SMARCA2: variants seen among roughly 807,000 people sequenced by gnomAD.
The protein encoded by SMARCA2 is SWI/SNF related BAF chromatin remodeling complex subunit ATPase 2.
Under a neutral mutation model 199.8 loss-of-function variants are expected in SMARCA2, and 61 were observed. The observed-to-expected ratio is 0.31, with a 90% CI of 0.25 to 0.38. The LOEUF (loss-of-function observed/expected upper bound fraction) is 0.38. Among genes scored for constraint, SMARCA2 ranks in the 10% least tolerant of loss-of-function variants. The pLI, the probability that SMARCA2 is intolerant of heterozygous loss-of-function variation, is 1.00. For synonymous variants in SMARCA2, 935 were observed against 732.0 expected (o/e 1.28, Z -4.48); for missense variants, 1,344 against 2,012.2 (o/e 0.67, Z 6.35).
At position 2,039,761 on chromosome 9, in the gene SMARCA2, A is replaced by T; in HGVS notation, c.651A>T (p.Gln217His). ...AAAGGACGTTGCCTGGCTTGCAGCA[A>T]CAACAGCAGCAGCAACAGCAGCAGC... ...QGKRTLPGLQ[Q>H]QQQQQQQQQQ... The change falls in exon 4 of 34, where the codon CAA (glutamine) becomes CAT (histidine). Residue 217 changes from glutamine to histidine, a missense_variant. Around this residue, in one of 18 missense-constraint regions of SMARCA2, gnomAD observed 24 missense variants for 53.7 expected, o/e 0.45. Coordinates refer to ENST00000349721, the MANE Select transcript of SMARCA2 (RefSeq NM_003070.5). The surrounding 1 kb of genome is among the most constrained non-coding windows in gnomAD (Gnocchi z 4.8). 6.2e-7 allele frequency: 1 copy of T among 1,610,500 alleles called. No individual in the cohort carries two copies. The highest frequency in any genetic ancestry group is 8.5e-7 in the Non-Finnish European group (1 of 1,178,812).
At position 2,169,662 on chromosome 9, in the gene SMARCA2, C is replaced by T. The variant is rs1323219722; in HGVS notation, c.4200-757C>T. On this transcript the variant is annotated intron_variant, in intron 28 of 33. Coordinates refer to ENST00000349721, the MANE Select transcript of SMARCA2 (RefSeq NM_003070.5). The surrounding 1 kb of genome is among the most constrained non-coding windows in gnomAD (Gnocchi z 6.5). ...TGTGAATCCCAAAGGGTGCTGTCTA[C>T]ACCTGGAGGGAGATCTAGAGGGTAT... Among the ~76,000 whole-genome samples the T allele has an allele frequency of 6.6e-6, 1 of 152,078 alleles. No individual in the cohort carries two copies. The highest frequency in any genetic ancestry group is 6.6e-5 in the Admixed American group (1 of 15,264).
intron 27 of SMARCA2, chr9:2,157,761 A>G (rs567994789): frequency 5.1e-5 from 20 of 395,602 alleles, no homozygotes; most frequent in Non-Finnish European, 8.9e-5. Context: ...CCTATTCATA[A>G]TCATGGATCC....
At chr9:2,136,134 C>T (rs1824184099) in intron 27 of SMARCA2, among the ~76,000 whole-genome samples, 1 of 151,984 alleles carries the variant, frequency 6.6e-6, no homozygotes, top group East Asian at 1.9e-4. Flanking sequence ...GCCATCGTGC[C>T]TGGCAACTTT....
At chr9:2,022,726 T>G (rs923656294) in intron 1 of SMARCA2, among the ~76,000 whole-genome samples, 3 of 152,236 alleles carry the variant, frequency 2.0e-5, no homozygotes, top group African/African-American at 4.8e-5. Flanking sequence ...CTGTTGTTGA[T>G]TCTTATCAAC....
chr9:2,019,272 G>A (rs975398844), intron 1 of SMARCA2, among the ~76,000 whole-genome samples: 7 of 152,138 alleles, frequency 4.6e-5, no homozygotes, highest in African/African-American at 1.4e-4. Context: ...GGTGAGGGGA[G>A]GGAGGGCTTC....
intron 27 of SMARCA2, among the ~76,000 whole-genome samples, chr9:2,155,663 C>T (rs1364077353): frequency 6.7e-6 from 1 of 148,724 alleles, no homozygotes; most frequent in African/African-American, 2.5e-5. Flanking sequence ...CCGTAGCTCC[C>T]CTTTTCCCTT....
intron 32 of SMARCA2, among the ~76,000 whole-genome samples, chr9:2,188,998 C>G (rs1737848482): frequency 1.3e-5 from 2 of 152,200 alleles, no homozygotes; most frequent in Admixed American, 1.3e-4. Flanking sequence ...TGTTGTGTCT[C>G]CATGAATCTC....
rs1202972738 is a variant in SMARCA2, at chr9:2,040,182, G to A, written c.790+282G>A. The stretch of plus-strand genomic sequence containing the variant: ...TGCGTTCTCTTTGAAGCGGTTCAAG[G>A]TTTCTTGGAAGCCCATCCACACACA... On this transcript the variant is annotated intron_variant, in intron 4 of 33. Coordinates refer to ENST00000349721, the MANE Select transcript of SMARCA2 (RefSeq NM_003070.5). 4 of 630,278 alleles carry A rather than the reference G, an allele frequency of 6.3e-6. No homozygotes were observed. The African/African-American group carries it at 7.3e-5, about 12-fold the overall frequency. 39.0% of individuals were successfully genotyped at this position (630,278 alleles called of 1,614,324 possible).
At chr9:2,179,800 A>G (rs552585578) in intron 29 of SMARCA2, among the ~76,000 whole-genome samples, 109 of 152,312 alleles carry the variant, frequency 7.2e-4, no homozygotes, top group African/African-American at 2.4e-3. Context: ...TCATTGAGGG[A>G]GAGTCAGGTG....
At position 2,188,966 on chromosome 9, in the gene SMARCA2, A is replaced by G. The variant is rs866207873; in HGVS notation, c.4595-2300A>G. ...CCTTGTTCCAACTTTAAAGCCAGCA[A>G]TGACAGGTACAGTCCTTCTCATGTT... is the stretch of plus-strand genomic sequence containing the variant. On this transcript the variant is annotated intron_variant, in intron 32 of 33. Transcript: ENST00000349721. Among the ~76,000 whole-genome samples, 7 of 152,208 alleles carry G rather than the reference A, an allele frequency of 4.6e-5. No individual in the cohort carries two copies. In the South Asian group the frequency reaches 1.0e-3, roughly 23 times the overall value.
rs1000545107 is a variant in SMARCA2 at position 2,047,329 on chromosome 9, G to A, written c.891G>A (p.Pro297=). 9 of 1,121,710 alleles carry A rather than the reference G, an allele frequency of 8.0e-6. No individual in the cohort carries two copies. In the African/African-American group the frequency reaches 1.5e-4, roughly 19 times the overall value. 69.5% of individuals were successfully genotyped at this position (1,121,710 alleles called of 1,614,324 possible). The change falls in exon 5 of 34, where the codon CCG becomes CCA. Residue 297 remains proline (P), a synonymous_variant. Transcript: ENST00000349721. ...CCGCGCCCCCCGCAGCCGCGCAGCC[G>A]CCCGCGGCCGCAGTGCCCGGGCCCT... ...PSPAPPAAAQ[P]PAAAVPGPSV...
chr9:2,144,235 T>C (rs1003646242), intron 27 of SMARCA2, among the ~76,000 whole-genome samples: 3 of 152,136 alleles, frequency 2.0e-5, no homozygotes, highest in Admixed American at 6.5e-5. Flanking sequence ...CATTCCTCAG[T>C]CTTCTTTTCT....
rs1053386032 is a variant in SMARCA2 at position 2,017,386 on chromosome 9, C to CGTGAGT, written c.-37+1998_-37+2003dup. On this transcript the variant is annotated intron_variant, in intron 1 of 33. Transcript: ENST00000349721. This position sits in a 1 kb window ranked among gnomAD's most constrained non-coding sequence, Gnocchi z 8.8. ...CCCGGCCGGCGCGAGTGTGTCTGCG[C>CGTGAGT]GTGAGTGTGAGTGTGAGTGTGTGTT... is the stretch of plus-strand genomic sequence containing the variant. The CGTGAGT allele has an allele frequency of 6.6e-5, 10 of 152,526 alleles. No individual in the cohort carries two copies. Among genetic ancestry groups the CGTGAGT allele is most frequent in the East Asian group, 3.9e-4 (2 of 5,166 alleles). The allele number at this position is 152,526 out of a possible 1,614,324, so 9.4% of individuals were successfully genotyped here. A position where few individuals can be genotyped will look rare whatever the true frequency, so the allele number is the denominator to read the frequency against.
intron 28 of SMARCA2, among the ~76,000 whole-genome samples, chr9:2,168,521 T>G (rs148694438): frequency 6.6e-6 from 1 of 152,294 alleles, no homozygotes; most frequent in Non-Finnish European, 1.5e-5. Flanking sequence ...AATATTGCCT[T>G]GTTCCAAGGC....
In SMARCA2 at chr9:2,104,188, A is replaced by G; in HGVS notation, c.3292+19A>G. On this transcript the variant is annotated intron_variant, in intron 23 of 33. Transcript: ENST00000349721. This position sits in a 1 kb window ranked among gnomAD's most constrained non-coding sequence, Gnocchi z 4.0. ...CTTGATGGTAAGTGCATAAGGCATT[A>G]GGCTCGGAAGCCATACTACTGAAAA... The G allele has an allele frequency of 6.2e-7, 1 of 1,601,778 alleles. No homozygotes were observed. The highest frequency in any genetic ancestry group is 8.5e-7 in the Non-Finnish European group (1 of 1,171,436).
intron 4 of SMARCA2, chr9:2,044,872 A>C (rs1157959235): frequency 1.3e-5 from 2 of 152,224 alleles, no homozygotes; most frequent in East Asian, 1.9e-4. Context: ...CAAAATTAGA[A>C]TATCTTTCTA....
At chr9:2,151,051 T>C (rs1326817936) in intron 27 of SMARCA2, among the ~76,000 whole-genome samples, 6 of 151,566 alleles carry the variant, frequency 4.0e-5, no homozygotes, top group African/African-American at 1.2e-4. Flanking sequence ...CATAACACTA[T>C]AGTATAGCAA....
In SMARCA2 at chr9:2,086,756, C is replaced by G; in HGVS notation, c.2527-73C>G. The G allele has an allele frequency of 6.4e-7, 1 of 1,562,084 alleles. No individual in the cohort carries two copies. The highest frequency in any genetic ancestry group is 8.7e-7 in the Non-Finnish European group (1 of 1,144,864). ...GGATGGGTTCTTTGGTTTTCCGCAC[C>G]ACCACTTGCTTGTTGGAAATAGTTG... is the stretch of plus-strand genomic sequence containing the variant. On this transcript the variant is annotated intron_variant, in intron 17 of 33. Transcript: ENST00000349721. This position sits in a 1 kb window ranked among gnomAD's most constrained non-coding sequence, Gnocchi z 4.3.
chr9:2,169,561 C>T lies in SMARCA2; in HGVS notation c.4200-858C>T, dbSNP rs1406623169. Among the ~76,000 whole-genome samples the T allele has an allele frequency of 6.6e-6, 1 of 152,110 alleles. No individual in the cohort carries two copies. The highest frequency in any genetic ancestry group is 6.6e-5 in the Admixed American group (1 of 15,264). On this transcript the variant is annotated intron_variant, in intron 28 of 33. Transcript: ENST00000349721. This position sits in a 1 kb window ranked among gnomAD's most constrained non-coding sequence, Gnocchi z 6.5. ...TTATGCTTTTCCCTCTCTGCAACAC[C>T]CCGACCCCACACTGACTCTAGAGCA...
Sources: gnomAD v4.1 joint callset for allele counts (sites outside exome capture counted in the v4.1 genomes callset) on GRCh38, gnomAD v4.1.1 for gene constraint, gnomAD v4.1.1 regional missense constraint, Gnocchi (gnomAD v3.1) non-coding constraint, MANE v1.5 for transcripts, NCBI Gene and HGNC (gene_info 2026-07-23, HGNC 2026-07-21) for gene names.